PTGR1: variants seen among roughly 807,000 people sequenced by gnomAD.
PTGR1 encodes the protein prostaglandin reductase 1.
PTGR1 carries 23 observed loss-of-function variants against 37.7 expected under a neutral mutation model. That is an observed-to-expected ratio of 0.61 (90% CI 0.44 to 0.86). The LOEUF (loss-of-function observed/expected upper bound fraction) is 0.86, where lower values mean the gene tolerates loss of function less well. PTGR1 is among the 40% of genes least tolerant of loss of function. The probability of loss-of-function intolerance (pLI) is 0.00; values close to 1 mark genes in which losing one functional copy is unlikely to be tolerated. For missense variants in PTGR1, 351 were observed against 394.3 expected (o/e 0.89, Z 0.93); for synonymous variants, 134 against 140.0 (o/e 0.96, Z 0.30).
chr9:111,571,012 C>A (rs529909877), intron 8 of PTGR1, among the ~76,000 whole-genome samples: 1 of 134,202 alleles, frequency 7.5e-6, no homozygotes, highest in African/African-American at 2.5e-5. Context: ...GAAATACAGG[C>A]AGCTGCTAGA....
At chr9:111,554,025 C>T (rs972285832) in intron 9 of PTGR1, among the ~76,000 whole-genome samples, 28 of 152,158 alleles carry the variant, frequency 1.8e-4, no homozygotes, top group African/African-American at 6.8e-4. Context: ...TAAGCACTAG[C>T]CTAGAAACAG....
chr9:111,571,723 TG>T lies in PTGR1; in HGVS notation c.761-1515del, dbSNP rs541220662. 1.2e-4 allele frequency among the ~76,000 whole-genome samples: 19 copies of T among 152,288 alleles called. No homozygotes were observed. The South Asian group carries it at 3.9e-3, about 32-fold the overall frequency. The stretch of plus-strand genomic sequence containing the variant: ...GAGGTCTTACTCTATTGCTCTGGTT[TG>T]AAACTCCTGGGCCAAGCGATCCTCC... On this transcript the variant is annotated intron_variant, in intron 8 of 9. Transcript: ENST00000407693.
intron 8 of PTGR1, among the ~76,000 whole-genome samples, chr9:111,573,624 C>T (rs1828929582): frequency 6.6e-6 from 1 of 152,062 alleles, no homozygotes; most frequent in South Asian, 2.1e-4. Context: ...CTTAATAGCA[C>T]AGAATCACTG....
chr9:111,598,234 G>C (rs1829841263), intron 1 of PTGR1, among the ~76,000 whole-genome samples: 1 of 152,164 alleles, frequency 6.6e-6, no homozygotes, highest in African/African-American at 2.4e-5. Context: ...GATGATGAAG[G>C]CTGCCCCGAG....
At chr9:111,591,517 G>A (rs964272797) in intron 4 of PTGR1, among the ~76,000 whole-genome samples, 1 of 150,896 alleles carries the variant, frequency 6.6e-6, no homozygotes, top group Non-Finnish European at 1.5e-5. Context: ...TTACAGGCAT[G>A]CACTACCACA....
chr9:111,578,749 A>G, intron 7 of PTGR1, 47 bp downstream of exon 7: 1 of 1,528,508 alleles, frequency 6.5e-7, no homozygotes, highest in Non-Finnish European at 8.9e-7. Context: ...CCTGCTTTAT[A>G]TAGTACTTCC....
intron 9 of PTGR1, among the ~76,000 whole-genome samples, chr9:111,566,168 A>C (rs1315649571): frequency 6.6e-6 from 1 of 152,098 alleles, no homozygotes; most frequent in African/African-American, 2.4e-5. Flanking sequence ...GCGCCACTGC[A>C]CTCCAGCCTG....
Position 111,576,504 on chromosome 9 carries a change from G to C in PTGR1, c.652-1662C>G, listed in dbSNP as rs145297666. On this transcript the variant is annotated intron_variant, in intron 7 of 9. Coordinates refer to ENST00000407693, the MANE Select transcript of PTGR1 (RefSeq NM_001146108.2). Reference sequence around the variant, plus strand: ...GTGCAGTTCAAGAGGCTCTGGTTCGGGGAAGAGCTGGATGGAGTATGAATC... The same window carrying C: ...GTGCAGTTCAAGAGGCTCTGGTTCGCGGAAGAGCTGGATGGAGTATGAATC... 1.1e-4 allele frequency: 179 copies of C among 1,556,660 alleles called. No homozygotes were observed. The African/African-American group carries it at 2.2e-3, about 20-fold the overall frequency.
intron 1 of PTGR1, among the ~76,000 whole-genome samples, chr9:111,597,864 A>G (rs542955195): frequency 6.6e-6 from 1 of 152,348 alleles, no homozygotes; most frequent in Non-Finnish European, 1.5e-5. Flanking sequence ...AAAAGCATCA[A>G]ACACAAAGAA....
intron 3 of PTGR1, 130 bp downstream of exon 3, chr9:111,594,092 C>A: frequency 3.0e-6 from 3 of 989,416 alleles, no homozygotes; most frequent in Non-Finnish European, 3.1e-6. Context: ...AATCTTATCA[C>A]TGATACTGGC....
At chr9:111,591,495 G>A (rs111549193) in intron 4 of PTGR1, among the ~76,000 whole-genome samples, 21,129 of 147,446 alleles carry the variant, frequency 0.14, 1,759 homozygotes, top group East Asian at 0.25. Flanking sequence ...TCAGCCTCCC[G>A]AGTAGCTGGG....
intron 4 of PTGR1, among the ~76,000 whole-genome samples, chr9:111,587,534 C>T (rs1016052890): frequency 6.6e-6 from 1 of 152,148 alleles, no homozygotes; most frequent in Non-Finnish European, 1.5e-5. Flanking sequence ...ATACTGCAAC[C>T]TCTGACTCCC....
chr9:111,552,132 C>T (rs922741146), intron 9 of PTGR1, among the ~76,000 whole-genome samples: 2 of 152,168 alleles, frequency 1.3e-5, no homozygotes, highest in African/African-American at 4.8e-5. Context: ...AATCACAGTG[C>T]TACTTTTTGT....
intron 2 of PTGR1, among the ~76,000 whole-genome samples, chr9:111,596,557 C>A (rs1829785762): frequency 6.6e-6 from 1 of 151,526 alleles, no homozygotes; most frequent in Non-Finnish European, 1.5e-5. Context: ...TCGAGACCAG[C>A]CTGGCCAACA....
intron 8 of PTGR1, chr9:111,574,419 A>G (rs1282250648): frequency 6.1e-6 from 1 of 164,690 alleles, no homozygotes; most frequent in Non-Finnish European, 1.3e-5. Context: ...GCAGGAACAC[A>G]GCTCACTGCA....
chr9:111,596,195 T>C (rs1829774883), intron 2 of PTGR1, among the ~76,000 whole-genome samples: 1 of 152,226 alleles, frequency 6.6e-6, no homozygotes, highest in South Asian at 2.1e-4. Context: ...CCCACCCTTG[T>C]GTGCTTGTCT....
chr9:111,552,466 C>T (rs1827997971), intron 9 of PTGR1, among the ~76,000 whole-genome samples: 1 of 152,166 alleles, frequency 6.6e-6, no homozygotes, highest in Admixed American at 6.5e-5. Context: ...AAGTTATCCT[C>T]TTGCTTTAAA....
chr9:111,567,507 C>T lies in PTGR1; in HGVS notation c.879+2584G>A, dbSNP rs114399563. 1.9e-3 allele frequency among the ~76,000 whole-genome samples: 291 copies of T among 152,190 alleles called. 1 individual carries two copies. The highest frequency in any genetic ancestry group is 6.6e-3 in the African/African-American group (273 of 41,528). Reference sequence around the variant, plus strand: ...TCCAGACGGCACTTTTTAGCAAAGGCTTGCAGGACGTGAGAGAATTCAGCA... The same window carrying T: ...TCCAGACGGCACTTTTTAGCAAAGGTTTGCAGGACGTGAGAGAATTCAGCA... On this transcript the variant is annotated intron_variant, in intron 9 of 9. Coordinates refer to ENST00000407693, the MANE Select transcript of PTGR1 (RefSeq NM_001146108.2).
At chr9:111,579,048 C>T in intron 6 of PTGR1, 97 bp from the exon 7 acceptor site, 3 of 1,212,984 alleles carry the variant, frequency 2.5e-6, no homozygotes, top group Non-Finnish European at 3.4e-6. Flanking sequence ...TCCCTAGGAA[C>T]ACTCTCTTAG....
Sources: allele counts gnomAD v4.1 joint callset (sites outside exome capture counted in the v4.1 genomes callset), GRCh38; gene constraint gnomAD v4.1.1; transcripts MANE v1.5; gene names NCBI Gene and HGNC (gene_info 2026-07-23, HGNC 2026-07-21).